BLTP3A: variants seen among roughly 807,000 people sequenced by gnomAD.
The protein encoded by BLTP3A is bridge-like lipid transfer protein family member 3A, also known as ICBP90 binding protein 1.
At chr6:34,806,668 C>T in the BLTP3A span, among the ~76,000 whole-genome samples, 1 of 152,070 alleles carries the variant, frequency 6.6e-6, no homozygotes, top group Non-Finnish European at 1.5e-5. Flanking sequence ...AACCTATTCT[C>T]CCCCCCTCCC....
chr6:34,858,195 A>T, the BLTP3A span: 78 of 1,614,050 alleles, frequency 4.8e-5, no homozygotes, highest in Admixed American at 1.3e-3. Context: ...TCTCTGCGTC[A>T]GGCATGATTG....
At chr6:34,858,051 C>T in the BLTP3A span, 1 of 1,566,836 alleles carries the variant, frequency 6.4e-7, no homozygotes, top group Non-Finnish European at 8.6e-7. Flanking sequence ...GGATCTTTTA[C>T]ATGTGTATTA....
At chr6:34,847,380 G>A in the BLTP3A span, among the ~76,000 whole-genome samples, 24 of 152,156 alleles carry the variant, frequency 1.6e-4, no homozygotes, top group South Asian at 4.6e-3. Flanking sequence ...AATAGGATAG[G>A]TATTAGTTCT....
chr6:34,802,069 G>A, the BLTP3A span, among the ~76,000 whole-genome samples: 1 of 152,082 alleles, frequency 6.6e-6, no homozygotes, highest in East Asian at 1.9e-4. Context: ...AATATTTTAG[G>A]AAACTGCCAT....
chr6:34,839,896 G>A, the BLTP3A span, among the ~76,000 whole-genome samples: 2 of 152,246 alleles, frequency 1.3e-5, no homozygotes, highest in East Asian at 1.9e-4. Context: ...GCTTCACTCT[G>A]TCTGGGCGCC....
chr6:34,864,894 G>T, the BLTP3A span, among the ~76,000 whole-genome samples: 6 of 152,214 alleles, frequency 3.9e-5, no homozygotes, highest in South Asian at 1.2e-3. Flanking sequence ...TTTGAACCGG[G>T]GAGGTGGAGG....
the BLTP3A span, chr6:34,867,488 T>C: frequency 3.1e-6 from 5 of 1,613,914 alleles, no homozygotes; most frequent in Non-Finnish European, 4.2e-6. Flanking sequence ...GTCCTGAAGG[T>C]GAATGAGGTG....
the BLTP3A span, chr6:34,855,803 G>C: frequency 6.3e-7 from 1 of 1,575,708 alleles, no homozygotes; most frequent in South Asian, 1.2e-5. Flanking sequence ...GGTTGCCAGA[G>C]ATTGCAGTGC....
At chr6:34,816,074 G>A in the BLTP3A span, among the ~76,000 whole-genome samples, 1 of 152,092 alleles carries the variant, frequency 6.6e-6, no homozygotes, top group Non-Finnish European at 1.5e-5. Flanking sequence ...TACTTTTTTT[G>A]TTAAGGCTTG....
the BLTP3A span, among the ~76,000 whole-genome samples, chr6:34,869,930 T>G: frequency 2.3e-4 from 35 of 152,320 alleles, no homozygotes; most frequent in South Asian, 4.1e-4. Context: ...ATTACAGGCA[T>G]GAGCCACTGT....
At chr6:34,869,640 CTTTTTT>C in the BLTP3A span, among the ~76,000 whole-genome samples, 231 of 81,464 alleles carry the variant, frequency 2.8e-3, no homozygotes, top group African/African-American at 0.013. Context: ...ACATACACCA[CTTTTTT>C]TTTTTTTTTT....
chr6:34,813,602 C>G, the BLTP3A span, among the ~76,000 whole-genome samples: 1 of 152,196 alleles, frequency 6.6e-6, no homozygotes, highest in East Asian at 1.9e-4. Flanking sequence ...GAATAAATAG[C>G]AGGCTGCCAT....
the BLTP3A span, among the ~76,000 whole-genome samples, chr6:34,838,970 G>A: frequency 6.6e-6 from 1 of 152,176 alleles, no homozygotes; most frequent in African/African-American, 2.4e-5. Context: ...TTCAAGGAAG[G>A]CCGGGCATGG....
the BLTP3A span, among the ~76,000 whole-genome samples, chr6:34,853,125 C>T: frequency 1.3e-5 from 2 of 152,210 alleles, no homozygotes; most frequent in Non-Finnish European, 2.9e-5. Context: ...AAACTGGGTA[C>T]TGTGATCACT....
the BLTP3A span, among the ~76,000 whole-genome samples, chr6:34,802,105 C>T: frequency 2.0e-5 from 3 of 152,082 alleles, no homozygotes; most frequent in African/African-American, 7.2e-5. Flanking sequence ...TGAACTTTAC[C>T]AAGAATTTGT....
chr6:34,871,005 C>T, the BLTP3A span: 5 of 1,614,118 alleles, frequency 3.1e-6, no homozygotes, highest in Non-Finnish European at 4.2e-6. Flanking sequence ...GCTGTGACCT[C>T]GAGCTGCTCA....
the BLTP3A span, among the ~76,000 whole-genome samples, chr6:34,847,638 T>C: frequency 6.6e-6 from 1 of 151,892 alleles, no homozygotes; most frequent in Non-Finnish European, 1.5e-5. Flanking sequence ...TTGGTTATAG[T>C]GTCTCCTTTT....
the BLTP3A span, chr6:34,856,640 A>G: frequency 8.7e-7 from 1 of 1,143,620 alleles, no homozygotes; most frequent in Non-Finnish European, 1.2e-6. Flanking sequence ...TAAGAATAAT[A>G]TCATTTTTGA....
chr6:34,844,736 A>T, the BLTP3A span, among the ~76,000 whole-genome samples: 2 of 151,854 alleles, frequency 1.3e-5, no homozygotes, highest in African/African-American at 4.8e-5. Flanking sequence ...TAAATTCCTT[A>T]TTTAGTCTAG....
Sources: allele counts gnomAD v4.1 joint callset (sites outside exome capture counted in the v4.1 genomes callset), GRCh38; gene constraint gnomAD v4.1.1; transcripts MANE v1.5; gene names NCBI Gene and HGNC (gene_info 2026-07-23, HGNC 2026-07-21).